The following HFM1 variants were observed in gnomAD, a reference collection of about 807,000 sequenced individuals.
The protein encoded by HFM1 is helicase for meiosis 1, also known as probable ATP-dependent DNA helicase HFM1.
Under a neutral mutation model 192.1 loss-of-function variants are expected in HFM1, and 169 were observed. That is an observed-to-expected ratio of 0.88 (90% CI 0.78 to 1.00). The LOEUF (loss-of-function observed/expected upper bound fraction) is 1.00. HFM1 is among the 50% of genes least tolerant of loss of function. HFM1 has a pLI of 0.00. For missense variants in HFM1, 1,661 were observed against 1,668.0 expected (o/e 1.00, Z 0.07); for synonymous variants, 525 against 537.8 (o/e 0.98, Z 0.33).
rs772736238 is a variant in HFM1 at position 91,359,078 on chromosome 1, A to G, written c.1686-5779T>C. Among the ~76,000 whole-genome samples the G allele has an allele frequency of 2.5e-4, 38 of 152,186 alleles. 1 individual carries two copies. Among genetic ancestry groups the G allele is most frequent in the Admixed American group, 1.8e-3 (27 of 15,278 alleles). On this transcript the variant is annotated intron_variant, in intron 13 of 38. Transcript: ENST00000370425. ...CAGAAAACACCACCACCAACAACAA[A>G]AAAGATCCCATAAAAACCTCATTCA...
intron 18 of HFM1, among the ~76,000 whole-genome samples, chr1:91,348,477 GGATA>G (rs1347608691): frequency 2.6e-5 from 4 of 152,034 alleles, no homozygotes; most frequent in Non-Finnish European, 5.9e-5. Flanking sequence ...TTTATCATAC[GGATA>G]GATTCATACA....
At chr1:91,347,273 C>G (rs988580720) in intron 19 of HFM1, among the ~76,000 whole-genome samples, 156 bp downstream of exon 19, 3 of 152,126 alleles carry the variant, frequency 2.0e-5, no homozygotes, top group Non-Finnish European at 4.4e-5. Flanking sequence ...ATATGCCAAG[C>G]TTTTTGTGTG....
At chr1:91,341,452 T>G (rs1322088063) in intron 20 of HFM1, among the ~76,000 whole-genome samples, 1 of 152,174 alleles carries the variant, frequency 6.6e-6, no homozygotes, top group Non-Finnish European at 1.5e-5. Flanking sequence ...GAGAAAAGTT[T>G]ATGGCACTAA....
At chr1:91,380,571 G>A (rs1395382713) in intron 7 of HFM1, among the ~76,000 whole-genome samples, 1 of 152,162 alleles carries the variant, frequency 6.6e-6, no homozygotes, top group East Asian at 1.9e-4. Flanking sequence ...CTGGCCAACA[G>A]AGCAAAACTC....
At chr1:91,349,044 T>G (rs897140776) in intron 18 of HFM1, among the ~76,000 whole-genome samples, 35 of 152,194 alleles carry the variant, frequency 2.3e-4, no homozygotes, top group Admixed American at 2.0e-3. Flanking sequence ...TACCAGCACT[T>G]TGGGAGGCCA....
At chr1:91,402,121 T>A (rs181167166) in intron 1 of HFM1, among the ~76,000 whole-genome samples, 295 of 152,302 alleles carry the variant, frequency 1.9e-3, no homozygotes, top group Admixed American at 4.8e-3. Flanking sequence ...GTCCTCAAGA[T>A]AGAAACTACA....
intron 23 of HFM1, among the ~76,000 whole-genome samples, chr1:91,321,580 T>A (rs1001392273): frequency 1.3e-4 from 20 of 152,152 alleles, no homozygotes; most frequent in Admixed American, 9.8e-4. Flanking sequence ...AACAGGGATA[T>A]GACAAAGCCA....
chr1:91,381,919 G>A (rs1044460027), intron 6 of HFM1, among the ~76,000 whole-genome samples: 6 of 152,028 alleles, frequency 3.9e-5, no homozygotes, highest in African/African-American at 1.4e-4. Context: ...TTACTTCTCT[G>A]ATCAAATTCC....
intron 30 of HFM1, 85 bp downstream of exon 30, chr1:91,313,264 G>T: frequency 3.1e-6 from 2 of 648,428 alleles, no homozygotes; most frequent in South Asian, 3.3e-5. Context: ...TCCTCAATCT[G>T]AGTGTTGCAG....
At chr1:91,262,661 T>C in intron 36 of HFM1, 69 bp from the exon 37 acceptor site, 1 of 929,884 alleles carries the variant, frequency 1.1e-6, no homozygotes, top group Non-Finnish European at 1.7e-6. Flanking sequence ...TGGATCATAA[T>C]GATTTTTGGG....
At chr1:91,392,638 T>G (rs1441464825) in intron 4 of HFM1, among the ~76,000 whole-genome samples, 1 of 152,094 alleles carries the variant, frequency 6.6e-6, no homozygotes, top group Non-Finnish European at 1.5e-5. Context: ...AAGAAATACC[T>G]AATGTAAATG....
At position 91,350,823 on chromosome 1, in the gene HFM1, A is replaced by G. The variant is rs1389582939; in HGVS notation, c.2121T>C (p.His707=). 6.2e-7 allele frequency: 1 copy of G among 1,607,676 alleles called. No homozygotes were observed. Among genetic ancestry groups the G allele is most frequent in the South Asian group, 1.1e-5 (1 of 90,496 alleles). Residue 707 remains histidine, a synonymous_variant, in exon 18 of 39, where the codon CAT becomes CAC. Coordinates refer to ENST00000370425, the MANE Select transcript of HFM1 (RefSeq NM_001017975.6). ...IEHLNAEIVL[H]TITDVNIAVE... is the part of the protein sequence containing the mutation. ...CAGCAATATTCACATCCGTGATGGT[A>G]TGCAGTACTATCTCTGCATTTAAAT...
chr1:91,262,872 G>T (rs1373425904), intron 36 of HFM1, among the ~76,000 whole-genome samples: 1 of 151,992 alleles, frequency 6.6e-6, no homozygotes, highest in Non-Finnish European at 1.5e-5. Flanking sequence ...ATGCTTAATT[G>T]TCTATTACAT....
At position 91,324,735 on chromosome 1, in the gene HFM1, A is replaced by G. The variant is rs1652631945; in HGVS notation, c.2367T>C (p.Ile789=). ...AAAATTTCTTCACTGTCTCAAATGT[A>G]ATATAATACCAAGCCATCAATCTTC... ...EAGRLMAWYY[I]TFETVKKFYT... Residue 789 remains isoleucine, a synonymous_variant, in exon 21 of 39, where the codon ATT becomes ATC. Transcript: ENST00000370425. 3.2e-6 allele frequency: 5 copies of G among 1,573,368 alleles called. No individual in the cohort carries two copies. The highest frequency in any genetic ancestry group is 4.4e-6 in the Non-Finnish European group (5 of 1,143,364).
intron 34 of HFM1, among the ~76,000 whole-genome samples, chr1:91,273,392 T>C (rs930055642): frequency 4.6e-5 from 7 of 152,106 alleles, no homozygotes; most frequent in African/African-American, 1.7e-4. Context: ...TCTAATGATA[T>C]ATGAATGTAA....
chr1:91,292,755 A>T (rs1212730316), intron 30 of HFM1, among the ~76,000 whole-genome samples: 10 of 152,182 alleles, frequency 6.6e-5, no homozygotes, highest in Non-Finnish European at 1.5e-4. Flanking sequence ...GTCAATCCTA[A>T]GCCAAAAGAA....
At chr1:91,387,491 G>A (rs1256930201) in intron 4 of HFM1, among the ~76,000 whole-genome samples, 5 of 150,302 alleles carry the variant, frequency 3.3e-5, no homozygotes, top group African/African-American at 7.4e-5. Flanking sequence ...TCTGCTCCAC[G>A]GGAGGTTTCT....
intron 4 of HFM1, among the ~76,000 whole-genome samples, chr1:91,388,030 A>G (rs1394321692): frequency 6.6e-6 from 1 of 152,156 alleles, no homozygotes; most frequent in Non-Finnish European, 1.5e-5. Context: ...AGCTTCTGGA[A>G]TGGTGAACAC....
rs762622286 is a variant in HFM1 at position 91,378,134 on chromosome 1, A to C, written c.1286T>G (p.Val429Gly). 16 of 1,610,580 alleles carry C rather than the reference A, an allele frequency of 9.9e-6. No individual in the cohort carries two copies. In the Admixed American group the frequency reaches 1.2e-4, roughly 12 times the overall value. ...AGACTGTACAGTTTTCATTCTGCTA[A>C]CTACAACTTCAAGAGTTGGACCACG... ...ENRGPTLEVVVSRMKTVQSVS... is the reference protein window; with the variant it reads ...ENRGPTLEVVGSRMKTVQSVS... The change falls in exon 11 of 39, where the codon GTT (valine) becomes GGT (glycine). Residue 429 changes from valine (V) to glycine (G), a missense_variant. Val to Gly is a moderately radical substitution (Grantham distance 109, BLOSUM62 -3). Transcript: ENST00000370425.
Sources: gnomAD v4.1 joint callset for allele counts (sites outside exome capture counted in the v4.1 genomes callset) on GRCh38, gnomAD v4.1.1 for gene constraint, MANE v1.5 for transcripts, NCBI Gene and HGNC (gene_info 2026-07-23, HGNC 2026-07-21) for gene names.